The following NF2 variants were observed in gnomAD, a reference collection of about 807,000 sequenced individuals.
NF2 encodes merlin.
A neutral mutation model predicts 83.7 loss-of-function variants in NF2; 8 were observed. The ratio of observed to expected loss-of-function variants is 0.10; its 90% confidence interval spans 0.06 to 0.17. The LOEUF is 0.17. NF2 is among the 10% of genes least tolerant of loss of function. The pLI, the probability that NF2 is intolerant of heterozygous loss-of-function variation, is 1.00. For synonymous variants in NF2, 266 were observed against 269.6 expected (o/e 0.99, Z 0.13); for missense variants, 533 against 744.4 (o/e 0.72, Z 3.31).
At chr22:29,611,983 C>T (rs1320252411) in intron 1 of NF2, among the ~76,000 whole-genome samples, 1 of 152,150 alleles carries the variant, frequency 6.6e-6, no homozygotes, top group Non-Finnish European at 1.5e-5. Context: ...ACTCTAAAAG[C>T]TGTAAAACAT....
At chr22:29,687,775 G>A (rs531790609) in intron 15 of NF2, among the ~76,000 whole-genome samples, 14 of 152,352 alleles carry the variant, frequency 9.2e-5, no homozygotes, top group Admixed American at 9.1e-4. Context: ...GGGGTGAGAG[G>A]GGGAAGGAAA....
intron 12 of NF2, 22 bp downstream of exon 12, chr22:29,673,508 G>A: frequency 1.3e-6 from 2 of 1,594,800 alleles, no homozygotes; most frequent in African/African-American, 2.7e-5. Flanking sequence ...CCGGGCACCA[G>A]ACTGGCGAGG....
intron 15 of NF2, among the ~76,000 whole-genome samples, chr22:29,686,064 C>T (rs979275900): frequency 2.6e-5 from 4 of 151,308 alleles, no homozygotes; most frequent in Admixed American, 1.3e-4. Context: ...CTTACTCTCT[C>T]TTGAGGCACA....
At chr22:29,631,855 G>A (rs527394504) in intron 1 of NF2, among the ~76,000 whole-genome samples, 30 of 152,304 alleles carry the variant, frequency 2.0e-4, no homozygotes, top group African/African-American at 6.3e-4. Flanking sequence ...AGGAAGTTCA[G>A]TCACTTGCCC....
At position 29,668,386 on chromosome 22, in the gene NF2, C is replaced by T. The variant is rs747526252; in HGVS notation, c.939C>T (p.Ala313=). The T allele has an allele frequency of 7.4e-6, 12 of 1,613,740 alleles. No individual in the cohort carries two copies. The highest frequency in any genetic ancestry group is 6.7e-5 in the African/African-American group (5 of 74,884). The change falls in exon 10 of 16, where the codon GCC becomes GCT. Residue 313 remains alanine (A), a synonymous_variant. Transcript: ENST00000338641. ...ATCTATTTATGAGGAGAAGGAAAGC[C>T]GATTCTTTGGAAGTTCAGCAGATGA... ...NHDLFMRRRK[A]DSLEVQQMKA... is the part of the protein sequence containing the mutation.
chr22:29,660,127 T>C (rs2066433748), intron 7 of NF2, among the ~76,000 whole-genome samples: 1 of 152,128 alleles, frequency 6.6e-6, no homozygotes, highest in South Asian at 2.1e-4. Flanking sequence ...CCACTCCAAA[T>C]GAGGGCTAGA....
chr22:29,679,937 C>G (rs532108155), intron 14 of NF2, among the ~76,000 whole-genome samples: 1 of 152,040 alleles, frequency 6.6e-6, no homozygotes, highest in Non-Finnish European at 1.5e-5. Context: ...AAGATCAAGG[C>G]ACGGGCAGAG....
intron 10 of NF2, among the ~76,000 whole-genome samples, chr22:29,669,163 G>C (rs1174806467): frequency 6.6e-6 from 1 of 152,172 alleles, no homozygotes; most frequent in African/African-American, 2.4e-5. Flanking sequence ...TTCTGATTTG[G>C]ATACATTGGA....
At chr22:29,638,899 A>G (rs2146867693) in intron 2 of NF2, among the ~76,000 whole-genome samples, 191 bp from the exon 3 acceptor site, 1 of 152,338 alleles carries the variant, frequency 6.6e-6, no homozygotes, top group South Asian at 2.1e-4. Context: ...GAAACACCAT[A>G]GGAAGTGAAT....
intron 4 of NF2, among the ~76,000 whole-genome samples, chr22:29,644,238 A>G (rs1481283751): frequency 3.4e-5 from 5 of 147,276 alleles, no homozygotes; most frequent in African/African-American, 1.0e-4. Flanking sequence ...CTCACCTCCC[A>G]GACGGGGTGG....
At chr22:29,624,909 C>G (rs1365381501) in intron 1 of NF2, among the ~76,000 whole-genome samples, 2 of 148,318 alleles carry the variant, frequency 1.3e-5, no homozygotes, top group East Asian at 4.0e-4. Flanking sequence ...CTTTCTCTCT[C>G]TCTCTCTCTC....
chr22:29,682,349 C>T (rs770915790), intron 15 of NF2, among the ~76,000 whole-genome samples: 4 of 152,138 alleles, frequency 2.6e-5, no homozygotes, highest in Non-Finnish European at 4.4e-5. Flanking sequence ...GATACTGATA[C>T]AGTTAATTTT....
intron 10 of NF2, among the ~76,000 whole-genome samples, chr22:29,671,096 A>C (rs1022644571): frequency 2.0e-5 from 3 of 152,158 alleles, no homozygotes; most frequent in African/African-American, 7.2e-5. Flanking sequence ...TGCCCAGATG[A>C]GAAAGCTGCT....
chr22:29,630,502 A>G (rs1244747964), intron 1 of NF2, among the ~76,000 whole-genome samples: 1 of 152,258 alleles, frequency 6.6e-6, no homozygotes, highest in African/African-American at 2.4e-5. Context: ...GTAATGGGTG[A>G]GCACAGCCAC....
Position 29,695,021 on chromosome 22 carries a change from A to G in NF2, c.*219A>G. 1.6e-6 allele frequency: 1 copy of G among 616,696 alleles called. No individual in the cohort carries two copies. The highest frequency in any genetic ancestry group is 2.9e-6 in the Non-Finnish European group (1 of 347,292). 38.2% of individuals were successfully genotyped at this position (616,696 alleles called of 1,614,324 possible). Reference sequence around the variant, plus strand: ...TCTCTCATGGCGTTCTAGTTCTCTGACCTGAGTCTTTGTTTTAAGAAGTAT... The same window carrying G: ...TCTCTCATGGCGTTCTAGTTCTCTGGCCTGAGTCTTTGTTTTAAGAAGTAT... On this transcript the variant is annotated 3_prime_UTR_variant, in exon 16 of 16. Transcript: ENST00000338641. This position sits in a 1 kb window ranked among gnomAD's most constrained non-coding sequence, Gnocchi z 5.4.
chr22:29,689,177 C>CAAA (rs140087), intron 15 of NF2, among the ~76,000 whole-genome samples: 4 of 89,290 alleles, frequency 4.5e-5, no homozygotes, highest in Admixed American at 1.2e-4. Flanking sequence ...GACTCCGTCT[C>CAAA]AAAAAAAAAA....
chr22:29,617,030 G>A (rs1324142712), intron 1 of NF2, among the ~76,000 whole-genome samples: 1 of 152,030 alleles, frequency 6.6e-6, no homozygotes, highest in African/African-American at 2.4e-5. Flanking sequence ...CCAGGCTCAA[G>A]CGATTCTTCT....
chr22:29,688,725 T>C (rs901334328), intron 15 of NF2, among the ~76,000 whole-genome samples: 6 of 152,254 alleles, frequency 3.9e-5, no homozygotes, highest in African/African-American at 1.4e-4. Flanking sequence ...CAGATTTCTC[T>C]TGAGAGCAGA....
intron 10 of NF2, among the ~76,000 whole-genome samples, chr22:29,670,937 C>A (rs577596225): frequency 8.5e-5 from 13 of 152,124 alleles, no homozygotes; most frequent in South Asian, 2.1e-4. Flanking sequence ...GCAGCTCCCC[C>A]CTGTGAAATA....
Sources: allele counts gnomAD v4.1 joint callset (sites outside exome capture counted in the v4.1 genomes callset), GRCh38; gene constraint gnomAD v4.1.1; non-coding constraint Gnocchi (gnomAD v3.1); transcripts MANE v1.5; gene names NCBI Gene and HGNC (gene_info 2026-07-23, HGNC 2026-07-21).